Variants in LCA5 observed in about 807,000 individuals in gnomAD.
LCA5 encodes lebercilin.
Under a neutral mutation model 53.0 loss-of-function variants are expected in LCA5, and 37 were observed. The ratio of observed to expected loss-of-function variants is 0.70; its 90% CI spans 0.54 to 0.92. LCA5 has a LOEUF of 0.92. Among genes scored for constraint, LCA5 ranks in the 40% least tolerant of loss-of-function variants. The pLI is 0.00. For missense variants in LCA5, 806 were observed against 790.5 expected (o/e 1.02, Z -0.23); for synonymous variants, 303 against 282.9 (o/e 1.07, Z -0.71).
intron 1 of LCA5, among the ~76,000 whole-genome samples, chr6:79,531,225 T>G (rs897920109): frequency 5.9e-5 from 9 of 152,128 alleles, no homozygotes; most frequent in African/African-American, 2.2e-4. Flanking sequence ...ATCTATCCCA[T>G]CCTCTTTACC....
chr6:79,487,847 A>C lies in LCA5; in HGVS notation c.1251T>G (p.Leu417=). ...KLEDEWEREE[L]DKKQKEKASL... ...ATGCCTTTTCTTTTTGCTTTTTATC[A>C]AGTTCTTCTCTTTCCCATTCTGTAT... The change falls in exon 8 of 8, where the codon CTT becomes CTG. Residue 417 remains leucine (L), a synonymous_variant. Transcript: ENST00000369846. 6.2e-7 allele frequency: 1 copy of C among 1,607,040 alleles called. No homozygotes were observed. The highest frequency in any genetic ancestry group is 8.5e-7 in the Non-Finnish European group (1 of 1,177,404).
chr6:79,535,282 GGC>G (rs1208683870), intron 1 of LCA5, among the ~76,000 whole-genome samples: 35 of 152,084 alleles, frequency 2.3e-4, no homozygotes, highest in Admixed American at 1.4e-3. Context: ...TGGAAACCAA[GGC>G]TCTTCAGTAG....
At chr6:79,524,872 T>A (rs1227208447) in intron 1 of LCA5, among the ~76,000 whole-genome samples, 1 of 152,132 alleles carries the variant, frequency 6.6e-6, no homozygotes, top group Admixed American at 6.5e-5. Context: ...ACCAGAGGTT[T>A]TCTTATATTG....
At chr6:79,532,038 C>A (rs1445944663) in intron 1 of LCA5, among the ~76,000 whole-genome samples, 1 of 152,142 alleles carries the variant, frequency 6.6e-6, no homozygotes, top group Admixed American at 6.5e-5. Context: ...ATTACCGTCC[C>A]TTTTCCACCT....
At chr6:79,529,117 G>C (rs1196686294) in intron 1 of LCA5, among the ~76,000 whole-genome samples, 1 of 152,086 alleles carries the variant, frequency 6.6e-6, no homozygotes, top group Non-Finnish European at 1.5e-5. Flanking sequence ...TCGTGTGAGG[G>C]GACTAGCACA....
intron 1 of LCA5, among the ~76,000 whole-genome samples, chr6:79,525,898 T>C (rs945505714): frequency 3.9e-5 from 6 of 152,232 alleles, no homozygotes; most frequent in African/African-American, 1.4e-4. Context: ...AAACCTTTAA[T>C]AAAAGAACTA....
rs1004881398 is a variant in LCA5 at position 79,523,373 on chromosome 6, C to G, written c.-191-4288G>C. On this transcript the variant is annotated intron_variant, in intron 1 of 7. Coordinates refer to ENST00000369846, the MANE Select transcript of LCA5 (RefSeq NM_001122769.3). ...TAATGATAACAGCAAGTAAGTGGCT[C>G]TAGCACTCATTAGCTATGTAAATCT... Among the ~76,000 whole-genome samples the G allele has an allele frequency of 5.3e-5, 8 of 152,124 alleles. No individual in the cohort carries two copies. The East Asian group carries it at 1.5e-3, about 29-fold the overall frequency.
At chr6:79,504,961 T>C (rs113008567) in intron 3 of LCA5, among the ~76,000 whole-genome samples, 15 of 152,192 alleles carry the variant, frequency 9.9e-5, no homozygotes, top group African/African-American at 3.6e-4. Context: ...TGGACATTAA[T>C]ATATAGATAT....
intron 3 of LCA5, among the ~76,000 whole-genome samples, chr6:79,507,235 T>A (rs1208954533): frequency 1.3e-5 from 2 of 152,194 alleles, no homozygotes; most frequent in Non-Finnish European, 2.9e-5. Flanking sequence ...TAGAAAATTA[T>A]GCACTCTTGT....
In LCA5 at chr6:79,487,460, G is replaced by A; in HGVS notation, c.1638C>T (p.Ala546=). 1 of 1,613,984 alleles carries A rather than the reference G, an allele frequency of 6.2e-7. No individual in the cohort carries two copies. The highest frequency in any genetic ancestry group is 1.7e-5 in the Admixed American group (1 of 59,998). ...TACCAAATGCGAACTCATTAGGGGA[G>A]GCTGGACTTCTAACATTTCCTGAAT... ...GQNSGNVRSP[A]SPNEFAFGSY... is the part of the protein sequence containing the mutation. Residue 546 remains alanine (A), a synonymous_variant, in exon 8 of 8, where the codon GCC becomes GCT. Coordinates refer to ENST00000369846, the MANE Select transcript of LCA5 (RefSeq NM_001122769.3).
chr6:79,512,197 A>G (rs1179010602), intron 3 of LCA5, among the ~76,000 whole-genome samples: 1 of 152,062 alleles, frequency 6.6e-6, no homozygotes, highest in East Asian at 1.9e-4. Context: ...ACCCTACTTC[A>G]TGGGTAAGTG....
chr6:79,505,553 A>C (rs1035298191), intron 3 of LCA5, among the ~76,000 whole-genome samples: 3 of 152,208 alleles, frequency 2.0e-5, no homozygotes, highest in Admixed American at 6.5e-5. Flanking sequence ...ATGTCACCTC[A>C]GAAATCATTC....
intron 3 of LCA5, among the ~76,000 whole-genome samples, chr6:79,509,139 T>TA (rs1471083450): frequency 6.6e-6 from 1 of 152,062 alleles, no homozygotes; most frequent in Non-Finnish European, 1.5e-5. Flanking sequence ...CAACAGCTGA[T>TA]ATGAGGTTAT....
chr6:79,516,980 C>CA (rs148448713), intron 2 of LCA5, among the ~76,000 whole-genome samples: 3,357 of 150,910 alleles, frequency 0.022, 119 homozygotes, highest in African/African-American at 0.077. Flanking sequence ...GAATTTTATG[C>CA]AAAAAAAAGT....
intron 3 of LCA5, among the ~76,000 whole-genome samples, chr6:79,511,971 A>C (rs1261021157): frequency 2.0e-5 from 3 of 152,034 alleles, no homozygotes; most frequent in Non-Finnish European, 4.4e-5. Flanking sequence ...TGCAGTGTAT[A>C]GTTGTATATG....
chr6:79,485,670 T>C lies in LCA5; in HGVS notation c.*1334A>G, dbSNP rs1769630588. The C allele has an allele frequency of 1.3e-5, 2 of 152,074 alleles. No homozygotes were observed. Among genetic ancestry groups the C allele is most frequent in the Admixed American group, 1.3e-4 (2 of 15,264 alleles). The allele number at this position is 152,074 out of a possible 1,614,324, so 9.4% of individuals were successfully genotyped here. Reference sequence around the variant, plus strand: ...ATAACACAGTAACTCCTTCCCCTCATCAGTATATATGACTGGCGTCAGAAA... The same window carrying C: ...ATAACACAGTAACTCCTTCCCCTCACCAGTATATATGACTGGCGTCAGAAA... On this transcript the variant is annotated 3_prime_UTR_variant, in exon 8 of 8. Coordinates refer to ENST00000369846, the MANE Select transcript of LCA5 (RefSeq NM_001122769.3).
intron 2 of LCA5, among the ~76,000 whole-genome samples, chr6:79,516,473 C>T (rs768865091): frequency 1.3e-5 from 2 of 151,790 alleles, no homozygotes; most frequent in South Asian, 4.2e-4. Flanking sequence ...AAAGTTAAAG[C>T]CTAATAAGAA....
rs542084947 is a variant in LCA5 at position 79,509,250 on chromosome 6, T to A, written c.720+3962A>T. Reference sequence around the variant, plus strand: ...TGGGTGGATCACCTGAGATCAGGAGTTCCAGGCCAGCCTGACCAACATAGT... The same window carrying A: ...TGGGTGGATCACCTGAGATCAGGAGATCCAGGCCAGCCTGACCAACATAGT... On this transcript the variant is annotated intron_variant, in intron 3 of 7. Transcript: ENST00000369846. 2.4e-3 allele frequency among the ~76,000 whole-genome samples: 364 copies of A among 151,260 alleles called. 2 individuals carry two copies. Among genetic ancestry groups the A allele is most frequent in the Non-Finnish European group, 3.8e-3 (259 of 67,750 alleles).
At chr6:79,528,508 T>C (rs1766859351) in intron 1 of LCA5, among the ~76,000 whole-genome samples, 1 of 152,144 alleles carries the variant, frequency 6.6e-6, no homozygotes, top group Non-Finnish European at 1.5e-5. Context: ...CTCCCTGGCA[T>C]TCCATAAGAT....
Sources: gnomAD v4.1 joint callset for allele counts (sites outside exome capture counted in the v4.1 genomes callset) on GRCh38, gnomAD v4.1.1 for gene constraint, MANE v1.5 for transcripts, NCBI Gene and HGNC (gene_info 2026-07-23, HGNC 2026-07-21) for gene names.